Variants in ENOX1 observed in about 807,000 individuals in gnomAD.
ENOX1 encodes the protein ecto-NOX disulfide-thiol exchanger 1, also known as candidate growth-related and time keeping constitutive hydroquinone (NADH) oxidase.
ENOX1 carries 42 observed loss-of-function variants against 82.5 expected under a neutral mutation model. The observed-to-expected ratio is 0.51, with a 90% confidence interval of 0.40 to 0.66. The LOEUF (loss-of-function observed/expected upper bound fraction) is 0.66. Among genes scored for constraint, ENOX1 ranks in the 30% least tolerant of loss-of-function variants. The pLI is 0.00. For missense variants in ENOX1, 608 were observed against 811.6 expected, an observed-to-expected ratio of 0.75 and a Z score of 3.05; for synonymous variants, 271 against 282.2, an observed-to-expected ratio of 0.96 and a Z score of 0.40.
At chr13:43,557,804 A>C (rs917035065) in intron 2 of ENOX1, among the ~76,000 whole-genome samples, 1 of 152,168 alleles carries the variant, frequency 6.6e-6, no homozygotes, top group Admixed American at 6.5e-5. Flanking sequence ...TCTCTAACAG[A>C]AGTTTTAAAT....
At chr13:43,631,261 T>C (rs1372667372) in intron 2 of ENOX1, among the ~76,000 whole-genome samples, 2 of 152,200 alleles carry the variant, frequency 1.3e-5, no homozygotes, top group Non-Finnish European at 2.9e-5. Context: ...TTGCAGCTAC[T>C]AGCTGCACTA....
chr13:43,251,434 CA>C (rs2043449941), intron 14 of ENOX1, among the ~76,000 whole-genome samples: 1 of 152,172 alleles, frequency 6.6e-6, no homozygotes. Flanking sequence ...TATCTACCTG[CA>C]TAGGCTCATT....
intron 2 of ENOX1, among the ~76,000 whole-genome samples, chr13:43,570,370 A>G (rs1025598573): frequency 6.6e-6 from 1 of 152,170 alleles, no homozygotes; most frequent in African/African-American, 2.4e-5. Flanking sequence ...AAAACTAGAA[A>G]AAGTGGCAAG....
intron 1 of ENOX1, among the ~76,000 whole-genome samples, chr13:43,749,877 T>C (rs1025876255): frequency 2.6e-5 from 4 of 152,218 alleles, no homozygotes; most frequent in African/African-American, 9.6e-5. Context: ...GGATCCTTTG[T>C]TGAATTTATT....
At position 43,412,995 on chromosome 13, in the gene ENOX1, A is replaced by C. The variant is rs2153599554; in HGVS notation, c.-74-7T>G. On this transcript the variant is annotated splice_polypyrimidine_tract_variant and splice_region_variant and intron_variant, in intron 3 of 16. Coordinates refer to ENST00000690772, the MANE Select transcript of ENOX1 (RefSeq NM_001347969.2). ...CCTCGGAGGTCATCAGATTCTGCAA[A>C]ACGGGACAGAAGTGTGGTGAGAAAC... The C allele has an allele frequency of 6.4e-7, 1 of 1,571,468 alleles. No homozygotes were observed. Among genetic ancestry groups the C allele is most frequent in the East Asian group, 2.3e-5 (1 of 43,274 alleles).
chr13:43,434,937 G>GTTTTTTTTTTTTTTTTTTTTTT (rs537775258), intron 3 of ENOX1, among the ~76,000 whole-genome samples: 6 of 75,910 alleles, frequency 7.9e-5, no homozygotes, highest in Admixed American at 1.6e-4. Context: ...TGTGTGTGTG[G>GTTTTTTTTTTTTTTTTTTTTTT]TTTTTTTTTT....
intron 1 of ENOX1, among the ~76,000 whole-genome samples, chr13:43,745,180 G>C (rs528151637): frequency 1.3e-5 from 2 of 152,232 alleles, no homozygotes; most frequent in South Asian, 4.1e-4. Flanking sequence ...GCAATAGAAA[G>C]TTTGAAGTGG....
intron 10 of ENOX1, among the ~76,000 whole-genome samples, chr13:43,323,144 TAC>T (rs1361229802): frequency 6.6e-6 from 1 of 152,156 alleles, no homozygotes; most frequent in Non-Finnish European, 1.5e-5. Flanking sequence ...TGTGATCACA[TAC>T]ACACACAGGC....
intron 3 of ENOX1, among the ~76,000 whole-genome samples, chr13:43,456,008 A>G (rs973486717): frequency 8.5e-5 from 13 of 152,108 alleles, no homozygotes; most frequent in Admixed American, 5.9e-4. Flanking sequence ...TGGACTATCT[A>G]CTTTCTAGAA....
At chr13:43,355,310 T>C (rs1450789404) in intron 8 of ENOX1, among the ~76,000 whole-genome samples, 5 of 152,186 alleles carry the variant, frequency 3.3e-5, no homozygotes, top group East Asian at 3.9e-4. Flanking sequence ...CAGAAAACAT[T>C]AGAAGAAATA....
chr13:43,678,843 CT>C (rs1023126219), intron 1 of ENOX1, among the ~76,000 whole-genome samples: 2 of 152,140 alleles, frequency 1.3e-5, no homozygotes, highest in Non-Finnish European at 2.9e-5. Flanking sequence ...TAAGACCAAC[CT>C]TGATAATGGT....
At chr13:43,316,089 A>T (rs1181000525) in intron 11 of ENOX1, among the ~76,000 whole-genome samples, 1 of 152,114 alleles carries the variant, frequency 6.6e-6, no homozygotes, top group East Asian at 1.9e-4. Context: ...TCTCCCTGCC[A>T]ACTGCCCATC....
At chr13:43,407,576 C>T (rs1449554799) in intron 5 of ENOX1, among the ~76,000 whole-genome samples, 2 of 152,150 alleles carry the variant, frequency 1.3e-5, no homozygotes, top group Non-Finnish European at 2.9e-5. Flanking sequence ...TGTCCTAATG[C>T]AGGCATTTTT....
chr13:43,499,892 C>G (rs797016852), intron 2 of ENOX1, among the ~76,000 whole-genome samples: 51 of 151,706 alleles, frequency 3.4e-4, no homozygotes, highest in African/African-American at 1.2e-3. Flanking sequence ...AGATAGAAAC[C>G]ATAAAAAAGA....
intron 2 of ENOX1, among the ~76,000 whole-genome samples, chr13:43,622,853 G>C (rs974928518): frequency 1.3e-5 from 2 of 152,136 alleles, no homozygotes; most frequent in Non-Finnish European, 2.9e-5. Flanking sequence ...TCCGCTACTA[G>C]GGTGGGTAGG....
chr13:43,213,900 T>C lies in ENOX1; in HGVS notation c.*90A>G, dbSNP rs703206. On this transcript the variant is annotated 3_prime_UTR_variant, in exon 17 of 17. Coordinates refer to ENST00000690772, the MANE Select transcript of ENOX1 (RefSeq NM_001347969.2). ...CGATGGCTCCACAAAGGTTGCGTGC[T>C]GGACCAACCCCACACCTCCTGCTTC... is the stretch of plus-strand genomic sequence containing the variant. 8.8e-6 allele frequency: 13 copies of C among 1,482,920 alleles called. No individual in the cohort carries two copies. Among genetic ancestry groups the C allele is most frequent in the South Asian group, 2.7e-5 (2 of 75,468 alleles). The allele number at this position is 1,482,920 out of a possible 1,614,324, so 91.9% of individuals were successfully genotyped here.
At chr13:43,648,187 C>T (rs1327820435) in intron 2 of ENOX1, among the ~76,000 whole-genome samples, 2 of 152,316 alleles carry the variant, frequency 1.3e-5, no homozygotes, top group African/African-American at 4.8e-5. Flanking sequence ...AAGATCATAA[C>T]CCAGTACTGG....
At chr13:43,775,934 G>C (rs1405333196) in intron 1 of ENOX1, among the ~76,000 whole-genome samples, 3 of 150,576 alleles carry the variant, frequency 2.0e-5, no homozygotes, top group Non-Finnish European at 4.4e-5. Context: ...AATTTGCCTT[G>C]TTTGAAGATG....
intron 3 of ENOX1, among the ~76,000 whole-genome samples, chr13:43,467,504 T>C (rs1021999135): frequency 5.3e-5 from 7 of 131,246 alleles, no homozygotes; most frequent in African/African-American, 2.2e-4. Flanking sequence ...TGGACAAATG[T>C]TATTTTAAAA....
Sources: gnomAD v4.1 joint callset for allele counts (sites outside exome capture counted in the v4.1 genomes callset) on GRCh38, gnomAD v4.1.1 for gene constraint, MANE v1.5 for transcripts, NCBI Gene and HGNC (gene_info 2026-07-23, HGNC 2026-07-21) for gene names.